RIMS1: variants seen among roughly 807,000 people sequenced by gnomAD.
RIMS1 encodes regulating synaptic membrane exocytosis 1, also known as regulating synaptic membrane exocytosis protein 1.
A neutral mutation model predicts 214.1 loss-of-function variants in RIMS1; 83 were observed. The observed-to-expected ratio is 0.39, with a 90% confidence interval of 0.32 to 0.47. RIMS1 has a LOEUF of 0.47. RIMS1 is among the 20% of genes least tolerant of loss of function. RIMS1 has a pLI of 0.99. For missense variants in RIMS1, 2,050 were observed against 2,161.8 expected, an observed-to-expected ratio of 0.95 and a Z score of 1.03; for synonymous variants, 793 against 786.8, an observed-to-expected ratio of 1.01 and a Z score of -0.13.
intron 1 of RIMS1, among the ~76,000 whole-genome samples, chr6:71,914,582 T>C (rs1259031629): frequency 6.6e-6 from 1 of 152,180 alleles, no homozygotes; most frequent in Non-Finnish European, 1.5e-5. Flanking sequence ...TTTTAGAATT[T>C]ATATTTAGAG....
intron 22 of RIMS1, among the ~76,000 whole-genome samples, chr6:72,272,868 A>G (rs533395361): frequency 6.6e-6 from 1 of 152,294 alleles, no homozygotes; most frequent in South Asian, 2.1e-4. Context: ...TCTTCATTTT[A>G]TCTATAAACA....
At chr6:72,213,235 T>C in intron 6 of RIMS1, 2 of 1,532,998 alleles carry the variant, frequency 1.3e-6, no homozygotes, top group Non-Finnish European at 1.7e-6. Flanking sequence ...AAGCAATAGA[T>C]AATGGTAATC....
intron 1 of RIMS1, among the ~76,000 whole-genome samples, chr6:71,893,764 A>G (rs1347042846): frequency 6.6e-6 from 1 of 152,174 alleles, no homozygotes; most frequent in Non-Finnish European, 1.5e-5. Context: ...GTTATTCTGC[A>G]GAATTGATTT....
At chr6:72,114,412 A>G (rs1355992194) in intron 4 of RIMS1, among the ~76,000 whole-genome samples, 1 of 151,528 alleles carries the variant, frequency 6.6e-6, no homozygotes, top group Non-Finnish European at 1.5e-5. Flanking sequence ...CATGTGGTTG[A>G]AAATCCAGGG....
intron 4 of RIMS1, among the ~76,000 whole-genome samples, chr6:72,113,591 A>G (rs969885191): frequency 6.6e-6 from 1 of 152,128 alleles, no homozygotes; most frequent in Admixed American, 6.6e-5. Flanking sequence ...TTTCTTTTGA[A>G]TTCTAGAATA....
At chr6:72,112,005 G>T (rs889979342) in intron 4 of RIMS1, among the ~76,000 whole-genome samples, 1 of 152,258 alleles carries the variant, frequency 6.6e-6, no homozygotes, top group Non-Finnish European at 1.5e-5. Flanking sequence ...ATTAGCAGAT[G>T]TTTAATAAGC....
At chr6:72,246,459 G>A (rs2069774231) in intron 11 of RIMS1, among the ~76,000 whole-genome samples, 1 of 152,170 alleles carries the variant, frequency 6.6e-6, no homozygotes, top group Admixed American at 6.6e-5. Flanking sequence ...AGTTTTCAAT[G>A]ATAATGCAGA....
chr6:71,968,703 T>C (rs1795077524), intron 1 of RIMS1, among the ~76,000 whole-genome samples: 1 of 152,202 alleles, frequency 6.6e-6, no homozygotes, highest in African/African-American at 2.4e-5. Context: ...TCAGTAGCTT[T>C]TCTGCTATGG....
At chr6:72,027,136 T>C (rs1374276355) in intron 2 of RIMS1, among the ~76,000 whole-genome samples, 1 of 152,212 alleles carries the variant, frequency 6.6e-6, no homozygotes, top group Non-Finnish European at 1.5e-5. Context: ...TATTGTGTAA[T>C]GTGACCCCTT....
chr6:72,380,948 TC>T (rs1249591588), intron 29 of RIMS1, among the ~76,000 whole-genome samples: 1 of 152,198 alleles, frequency 6.6e-6, no homozygotes, highest in Non-Finnish European at 1.5e-5. Flanking sequence ...TTAAAGTATC[TC>T]AATCATCACA....
At chr6:72,227,733 A>C in intron 6 of RIMS1, among the ~76,000 whole-genome samples, 1 of 151,984 alleles carries the variant, frequency 6.6e-6, no homozygotes, top group South Asian at 2.1e-4. Flanking sequence ...GGGTAGTTCA[A>C]CTCCGGAGGT....
At chr6:72,233,982 GA>G (rs922286524) in intron 7 of RIMS1, 142 bp downstream of exon 7, 365 of 521,358 alleles carry the variant, frequency 7.0e-4, no homozygotes, top group Admixed American at 1.1e-3. Context: ...CAATTTTGAA[GA>G]AAAAAAGTTA....
At chr6:72,227,675 A>G (rs535042892) in intron 6 of RIMS1, among the ~76,000 whole-genome samples, 5 of 152,152 alleles carry the variant, frequency 3.3e-5, no homozygotes, top group Admixed American at 1.3e-4. Context: ...ATTATAAAAC[A>G]TAAGGATGGC....
chr6:72,024,511 T>A (rs79105098), intron 2 of RIMS1, among the ~76,000 whole-genome samples: 1 of 152,182 alleles, frequency 6.6e-6, no homozygotes, highest in Admixed American at 6.5e-5. Flanking sequence ...ATTTGTTATT[T>A]GTATTAAAAT....
intron 28 of RIMS1, among the ~76,000 whole-genome samples, chr6:72,329,475 A>C (rs1006587990): frequency 6.6e-6 from 1 of 151,816 alleles, no homozygotes; most frequent in Non-Finnish European, 1.5e-5. Flanking sequence ...TAAGTCAATG[A>C]AACTATGACT....
chr6:72,087,859 A>G (rs955138672), intron 2 of RIMS1, among the ~76,000 whole-genome samples: 5 of 152,190 alleles, frequency 3.3e-5, no homozygotes, highest in African/African-American at 1.2e-4. Context: ...TCTGGGTGCA[A>G]TGGTTTTGGC....
rs1364011388 is a variant in RIMS1, at chr6:72,260,692, C to T, written c.3054-13C>T. The T allele has an allele frequency of 1.2e-6, 2 of 1,612,066 alleles. No individual in the cohort carries two copies. The highest frequency in any genetic ancestry group is 1.7e-6 in the Non-Finnish European group (2 of 1,178,784). On this transcript the variant is annotated splice_polypyrimidine_tract_variant and intron_variant, in intron 18 of 33. Coordinates refer to ENST00000521978, the MANE Select transcript of RIMS1 (RefSeq NM_014989.7). Reference sequence around the variant, plus strand: ...TTTATCTGTTTCACTCACCACCCATCCTGTCTGTGCAGTGAGCTTCTTATG... The same window carrying T: ...TTTATCTGTTTCACTCACCACCCATTCTGTCTGTGCAGTGAGCTTCTTATG...
intron 2 of RIMS1, among the ~76,000 whole-genome samples, chr6:72,033,882 T>C (rs546110088): frequency 6.6e-6 from 1 of 152,208 alleles, no homozygotes; most frequent in East Asian, 1.9e-4. Flanking sequence ...TCTGAGAGGG[T>C]TGGTTTATAG....
chr6:72,277,426 A>C (rs2087075953), intron 23 of RIMS1, among the ~76,000 whole-genome samples: 1 of 151,842 alleles, frequency 6.6e-6, no homozygotes, highest in South Asian at 2.1e-4. Flanking sequence ...CTAAAAATAC[A>C]AAAAAATTAG....
Sources: allele counts gnomAD v4.1 joint callset (sites outside exome capture counted in the v4.1 genomes callset), GRCh38; gene constraint gnomAD v4.1.1; transcripts MANE v1.5; gene names NCBI Gene and HGNC (gene_info 2026-07-23, HGNC 2026-07-21).